KIF16B: variants seen among roughly 807,000 people sequenced by gnomAD.
KIF16B encodes kinesin-like protein KIF16B.
Under a neutral mutation model 156.3 loss-of-function variants are expected in KIF16B, and 98 were observed. The ratio of observed to expected loss-of-function variants is 0.63; its 90% CI spans 0.53 to 0.74. KIF16B has a LOEUF of 0.74. Ranked by LOEUF, KIF16B falls within the 30% of genes least tolerant of loss-of-function variation. The pLI, the probability that KIF16B is intolerant of heterozygous loss-of-function variation, is 0.00. For missense variants in KIF16B, 1,421 were observed against 1,606.5 expected (o/e 0.88, Z 1.97); for synonymous variants, 564 against 583.7 (o/e 0.97, Z 0.49).
intron 21 of KIF16B, among the ~76,000 whole-genome samples, chr20:16,371,362 A>G (rs1037799717): frequency 2.6e-5 from 4 of 152,244 alleles, no homozygotes; most frequent in African/African-American, 9.6e-5. Context: ...CGAGATGGGC[A>G]GATCACTTGA....
intron 1 of KIF16B, among the ~76,000 whole-genome samples, chr20:16,532,985 C>T (rs891977397): frequency 2.0e-5 from 3 of 152,144 alleles, no homozygotes; most frequent in Non-Finnish European, 1.5e-5. Context: ...CAGGGCAGTG[C>T]GTTCCTAGTT....
intron 25 of KIF16B, among the ~76,000 whole-genome samples, chr20:16,295,194 C>T (rs1383883869): frequency 6.6e-6 from 1 of 152,140 alleles, no homozygotes; most frequent in Non-Finnish European, 1.5e-5. Context: ...CCAGCTTGCC[C>T]AGGGTCATAG....
chr20:16,468,207 G>GA (rs2067550316), intron 12 of KIF16B, among the ~76,000 whole-genome samples: 1 of 152,172 alleles, frequency 6.6e-6, no homozygotes, highest in African/African-American at 2.4e-5. Flanking sequence ...CTAATCAAAA[G>GA]AAAGTAGGAG....
At chr20:16,375,792 T>C (rs1249201946) in intron 19 of KIF16B, among the ~76,000 whole-genome samples, 1 of 152,024 alleles carries the variant, frequency 6.6e-6, no homozygotes, top group Non-Finnish European at 1.5e-5. Flanking sequence ...ACAGGGCCAA[T>C]GGCCAGTGGA....
chr20:16,519,901 C>A (rs1320677371), intron 3 of KIF16B, among the ~76,000 whole-genome samples: 1 of 152,178 alleles, frequency 6.6e-6, no homozygotes, highest in Non-Finnish European at 1.5e-5. Flanking sequence ...ACCGCCTCAC[C>A]CCGGGAAGTG....
chr20:16,477,954 T>C (rs1467084442), intron 12 of KIF16B, among the ~76,000 whole-genome samples: 2 of 152,064 alleles, frequency 1.3e-5, no homozygotes, highest in Admixed American at 6.5e-5. Context: ...ACAGCTGGGA[T>C]GGCTCCAGAC....
At chr20:16,440,230 C>A (rs1459713128) in intron 12 of KIF16B, among the ~76,000 whole-genome samples, 1 of 152,076 alleles carries the variant, frequency 6.6e-6, no homozygotes, top group African/African-American at 2.4e-5. Flanking sequence ...AAGGCCAAGA[C>A]CGTCTCTTAT....
chr20:16,521,853 T>C (rs1207194716), intron 3 of KIF16B, among the ~76,000 whole-genome samples: 3 of 152,130 alleles, frequency 2.0e-5, no homozygotes, highest in Admixed American at 1.3e-4. Flanking sequence ...CAGAAGAGAT[T>C]GGGGGCCAAT....
intron 12 of KIF16B, among the ~76,000 whole-genome samples, chr20:16,454,382 A>G (rs2067160751): frequency 6.7e-6 from 1 of 149,336 alleles, no homozygotes; most frequent in Non-Finnish European, 1.5e-5. Flanking sequence ...TAAGTTTTAT[A>G]TATAAATAAA....
chr20:16,295,792 C>A (rs1014790808), intron 25 of KIF16B, among the ~76,000 whole-genome samples: 6 of 152,066 alleles, frequency 3.9e-5, no homozygotes, highest in African/African-American at 1.4e-4. Flanking sequence ...CAGGTTCTGG[C>A]AGAAATGAGC....
intron 15 of KIF16B, among the ~76,000 whole-genome samples, chr20:16,420,154 T>G (rs2066189670): frequency 6.6e-6 from 1 of 152,156 alleles, no homozygotes; most frequent in Admixed American, 6.5e-5. Context: ...GGCAACAAAC[T>G]TTATATATGT....
intron 1 of KIF16B, among the ~76,000 whole-genome samples, chr20:16,544,428 G>A (rs890590626): frequency 5.9e-5 from 9 of 151,912 alleles, no homozygotes; most frequent in African/African-American, 1.5e-4. Context: ...TGGCCACCAC[G>A]GTGAAACCCC....
chr20:16,346,661 G>A (rs572727624), intron 23 of KIF16B, among the ~76,000 whole-genome samples: 37 of 152,238 alleles, frequency 2.4e-4, no homozygotes, highest in Admixed American at 8.5e-4. Context: ...CTGTAATACC[G>A]CTTATTTCAG....
intron 17 of KIF16B, chr20:16,382,244 C>A: frequency 4.6e-6 from 2 of 431,376 alleles, no homozygotes; most frequent in Non-Finnish European, 7.6e-6. Context: ...ACTTAAAAGG[C>A]AATAGCCATG....
intron 12 of KIF16B, among the ~76,000 whole-genome samples, chr20:16,451,628 G>A (rs1240556787): frequency 6.6e-6 from 1 of 151,814 alleles, no homozygotes; most frequent in Non-Finnish European, 1.5e-5. Context: ...TTGTAGACTT[G>A]GAAAACAGAA....
At chr20:16,549,038 TTA>T (rs2070529136) in intron 1 of KIF16B, among the ~76,000 whole-genome samples, 2 of 150,604 alleles carry the variant, frequency 1.3e-5, no homozygotes, top group African/African-American at 2.4e-5. Flanking sequence ...TTTTTTTTCG[TTA>T]GTTTTTTTTT....
chr20:16,344,390 G>A lies in KIF16B; in HGVS notation c.3622-8375C>T, dbSNP rs142796794. Among the ~76,000 whole-genome samples, 11 of 152,180 alleles carry A rather than the reference G, an allele frequency of 7.2e-5. No individual in the cohort carries two copies. The East Asian group carries it at 1.5e-3, about 21-fold the overall frequency. On this transcript the variant is annotated intron_variant, in intron 23 of 25. Coordinates refer to ENST00000354981, the MANE Select transcript of KIF16B (RefSeq NM_024704.5). Reference sequence around the variant, plus strand: ...AATCTTTCTGAGGACAGACAGTGCCGGTGCTTTCTGATTTCTGTGGGCATG... The same window carrying A: ...AATCTTTCTGAGGACAGACAGTGCCAGTGCTTTCTGATTTCTGTGGGCATG...
intron 15 of KIF16B, among the ~76,000 whole-genome samples, chr20:16,407,791 A>G (rs897536508): frequency 6.6e-6 from 1 of 152,156 alleles, no homozygotes; most frequent in African/African-American, 2.4e-5. Flanking sequence ...ACTCCAGTCT[A>G]TAGATGTATT....
intron 25 of KIF16B, among the ~76,000 whole-genome samples, chr20:16,296,736 A>C (rs1430388609): frequency 6.6e-6 from 1 of 152,230 alleles, no homozygotes; most frequent in Non-Finnish European, 1.5e-5. Context: ...ATCTGGGGTG[A>C]ATAAAAATGG....
Sources: gnomAD v4.1 joint callset for allele counts (sites outside exome capture counted in the v4.1 genomes callset) on GRCh38, gnomAD v4.1.1 for gene constraint, MANE v1.5 for transcripts, NCBI Gene and HGNC (gene_info 2026-07-23, HGNC 2026-07-21) for gene names.